The following SOX13 variants were observed in gnomAD, a reference collection of about 807,000 sequenced individuals.
The protein encoded by SOX13 is transcription factor SOX-13.
A neutral mutation model predicts 71.8 loss-of-function variants in SOX13; 28 were observed. The observed-to-expected ratio is 0.39, with a 90% CI of 0.29 to 0.53. The LOEUF (loss-of-function observed/expected upper bound fraction) is 0.53. SOX13 is among the 20% of genes least tolerant of loss of function. SOX13 has a pLI of 0.70. For missense variants in SOX13, 627 were observed against 810.3 expected (o/e 0.77, Z 2.75); for synonymous variants, 309 against 317.8 (o/e 0.97, Z 0.29).
At chr1:204,077,102 C>T (rs1254375301) in intron 1 of SOX13, among the ~76,000 whole-genome samples, 1 of 152,156 alleles carries the variant, frequency 6.6e-6, no homozygotes, top group Non-Finnish European at 1.5e-5. Flanking sequence ...ATAGCTCAGC[C>T]CAGGCCTTGA....
chr1:204,124,540 T>A lies in SOX13; in HGVS notation c.1376-101T>A, dbSNP rs546044493. 3.4e-5 allele frequency: 32 copies of A among 948,896 alleles called. 1 individual carries two copies. In the South Asian group the frequency reaches 3.5e-4, roughly 10 times the overall value. The allele number at this position is 948,896 out of a possible 1,614,324, so 58.8% of individuals were successfully genotyped here. On this transcript the variant is annotated intron_variant, in intron 12 of 13. Coordinates refer to ENST00000367204, the MANE Select transcript of SOX13 (RefSeq NM_005686.3). ...AAGTGCTTGCACATATATTATCTTATGGACCCACCTGGGGATCAAGGTCTT... is the reference window on the plus strand; with the variant it reads ...AAGTGCTTGCACATATATTATCTTAAGGACCCACCTGGGGATCAAGGTCTT...
rs952877073 is a variant in SOX13, at chr1:204,122,161, C to T, written c.862-76C>T. The T allele has an allele frequency of 7.6e-6, 10 of 1,307,594 alleles. No individual in the cohort carries two copies. The Admixed American group carries it at 2.4e-4, about 31-fold the overall frequency. 81.0% of individuals were successfully genotyped at this position (1,307,594 alleles called of 1,614,324 possible). ...TCCTTGTGTGTTCTGGGTATGCTCA[C>T]CTCACTTCCTCTCTGTCCTGCTGTG... On this transcript the variant is annotated intron_variant, in intron 8 of 13. Coordinates refer to ENST00000367204, the MANE Select transcript of SOX13 (RefSeq NM_005686.3).
intron 1 of SOX13, among the ~76,000 whole-genome samples, chr1:204,108,300 G>T (rs570174164): frequency 1.6e-4 from 24 of 152,216 alleles, no homozygotes; most frequent in African/African-American, 5.3e-4. Flanking sequence ...TCAAAACCTG[G>T]GGTGGGTTTG....
chr1:204,104,602 C>T (rs570500025), intron 1 of SOX13, among the ~76,000 whole-genome samples: 13 of 152,360 alleles, frequency 8.5e-5, no homozygotes, highest in Non-Finnish European at 5.9e-5. Context: ...CTGCCCCACC[C>T]CTGCTGCATG....
chr1:204,084,291 C>T (rs1243485528), intron 1 of SOX13, among the ~76,000 whole-genome samples: 1 of 152,116 alleles, frequency 6.6e-6, no homozygotes, highest in Non-Finnish European at 1.5e-5. Context: ...GCCCAAGCTG[C>T]CAGGGGATTG....
intron 1 of SOX13, among the ~76,000 whole-genome samples, chr1:204,086,534 T>A (rs1447850409): frequency 6.6e-6 from 1 of 152,008 alleles, no homozygotes; most frequent in Non-Finnish European, 1.5e-5. Context: ...ATCTCTTGAC[T>A]TCGTGATCTG....
intron 1 of SOX13, among the ~76,000 whole-genome samples, chr1:204,091,916 C>T (rs2102232759): frequency 6.6e-6 from 1 of 152,244 alleles, no homozygotes; most frequent in East Asian, 1.9e-4. Flanking sequence ...TTCTTTGTTT[C>T]TTTGCTTTCT....
rs565086142 is a variant in SOX13 at position 204,092,708 on chromosome 1, G to A, written c.-2+18997G>A. ...GGGGTGGGGACAGTCCAGCATTCCTGGGCCTACTTGGATTTAGGGGGCTGC... is the reference window on the plus strand; with the variant it reads ...GGGGTGGGGACAGTCCAGCATTCCTAGGCCTACTTGGATTTAGGGGGCTGC... On this transcript the variant is annotated intron_variant, in intron 1 of 13. Coordinates refer to ENST00000367204, the MANE Select transcript of SOX13 (RefSeq NM_005686.3). 5.9e-5 allele frequency among the ~76,000 whole-genome samples: 9 copies of A among 152,194 alleles called. 1 individual carries two copies. In the East Asian group the frequency reaches 1.7e-3, roughly 29 times the overall value.
chr1:204,127,040 C>A lies in SOX13; in HGVS notation c.*906C>A. ...CTTCCTGACCTCCTCCTGCCCTCCCCTTCACTCCCTCCCTGGCTCTGCCAG... is the reference window on the plus strand; with the variant it reads ...CTTCCTGACCTCCTCCTGCCCTCCCATTCACTCCCTCCCTGGCTCTGCCAG... On this transcript the variant is annotated 3_prime_UTR_variant, in exon 14 of 14. Transcript: ENST00000367204. 6.5e-6 allele frequency: 1 copy of A among 153,852 alleles called. No individual in the cohort carries two copies. The highest frequency in any genetic ancestry group is 1.5e-5 in the Non-Finnish European group (1 of 68,826). 9.5% of individuals were successfully genotyped at this position (153,852 alleles called of 1,614,324 possible). A position where few individuals can be genotyped will look rare whatever the true frequency, so the allele number is the denominator to read the frequency against.
intron 1 of SOX13, among the ~76,000 whole-genome samples, chr1:204,095,214 G>A (rs1656227205): frequency 6.6e-6 from 1 of 152,202 alleles, no homozygotes; most frequent in African/African-American, 2.4e-5. Context: ...CCAACTCTAA[G>A]ATGGACATCC....
rs111983840 is a variant in SOX13 at position 204,106,653 on chromosome 1, G to C, written c.-1-6262G>C. Reference sequence around the variant, plus strand: ...TCCTGCCTCAGCCTCCCAAGTAGCTGGGATTACACACCTGACTAATTTTGT... The same window carrying C: ...TCCTGCCTCAGCCTCCCAAGTAGCTCGGATTACACACCTGACTAATTTTGT... On this transcript the variant is annotated intron_variant, in intron 1 of 13. Transcript: ENST00000367204. Among the ~76,000 whole-genome samples, 1,334 of 151,892 alleles carry C rather than the reference G, an allele frequency of 8.8e-3. 26 individuals are homozygous for C. Among genetic ancestry groups the C allele is most frequent in the African/African-American group, 0.031 (1,272 of 41,370 alleles).
chr1:204,079,919 A>G (rs1044436419), intron 1 of SOX13, among the ~76,000 whole-genome samples: 1 of 152,160 alleles, frequency 6.6e-6, no homozygotes, highest in Non-Finnish European at 1.5e-5. Context: ...GGCAAACCAA[A>G]GCTGCAGGAT....
intron 1 of SOX13, among the ~76,000 whole-genome samples, chr1:204,083,467 T>C (rs1404405252): frequency 6.6e-6 from 1 of 152,198 alleles, no homozygotes; most frequent in African/African-American, 2.4e-5. Context: ...CCTCTCTCTA[T>C]CTCCCATCAT....
chr1:204,098,264 G>A (rs537817562), intron 1 of SOX13, among the ~76,000 whole-genome samples: 63 of 152,162 alleles, frequency 4.1e-4, no homozygotes, highest in Non-Finnish European at 6.6e-4. Context: ...GATCACCTGA[G>A]GTCAGGAGTT....
Position 204,073,668 on chromosome 1 carries a change from G to GGAGCCGC in SOX13, c.-39_-33dup, listed in dbSNP as rs1341064939. On this transcript the variant is annotated 5_prime_UTR_variant, in exon 1 of 14. Coordinates refer to ENST00000367204, the MANE Select transcript of SOX13 (RefSeq NM_005686.3). This position sits in a 1 kb window ranked among gnomAD's most constrained non-coding sequence, Gnocchi z 6.8. ...CCGCACGGAGGAGGAGCAGGAGCGCGGAGCCGCGAGCCCCGAGCCCCGAGC... is the reference window on the plus strand; with the variant it reads ...CCGCACGGAGGAGGAGCAGGAGCGCGGAGCCGCGAGCCGCGAGCCCCGAGCCCCGAGC... The GGAGCCGC allele has an allele frequency of 6.6e-6, 1 of 152,022 alleles. No homozygotes were observed. The highest frequency in any genetic ancestry group is 2.4e-5 in the African/African-American group (1 of 41,378). 9.4% of individuals were successfully genotyped at this position (152,022 alleles called of 1,614,324 possible). A position where few individuals can be genotyped will look rare whatever the true frequency, so the allele number is the denominator to read the frequency against.
chr1:204,117,149 C>T lies in SOX13; in HGVS notation c.619C>T (p.Gln207Ter). The change falls in exon 6 of 14, where the codon CAG becomes TAG. Residue 207 changes from glutamine (Q) to a stop codon, truncating the protein, a stop_gained. Coordinates refer to ENST00000367204, the MANE Select transcript of SOX13 (RefSeq NM_005686.3). LOFTEE classifies it high-confidence loss of function. Reference protein sequence around the residue: ...QIAKQQQQLIQQQHKINLLQQ... With the variant: ...QIAKQQQQLI ...TGCAAAGCAGCAGCAGCAGCTGATT[C>T]AGCAGCAGCATAAGATCAACCTCCT... 6.2e-7 allele frequency: 1 copy of T among 1,613,970 alleles called. No homozygotes were observed.
Position 204,123,336 on chromosome 1 carries a change from C to G in SOX13, c.1231+128C>G. ...TTGGGTCCTTTCCAGGTGTGTGTGC[C>G]TCTGCTGTCCCATTATGTGTCTGTC... On this transcript the variant is annotated intron_variant, in intron 11 of 13. Transcript: ENST00000367204. The surrounding 1 kb of genome is among the most constrained non-coding windows in gnomAD (Gnocchi z 5.0). The G allele has an allele frequency of 1.3e-6, 1 of 765,004 alleles. No homozygotes were observed. The highest frequency in any genetic ancestry group is 2.3e-6 in the Non-Finnish European group (1 of 438,986). 47.4% of individuals were successfully genotyped at this position (765,004 alleles called of 1,614,324 possible).
intron 1 of SOX13, among the ~76,000 whole-genome samples, chr1:204,095,857 A>G (rs1012013512): frequency 2.0e-5 from 3 of 152,168 alleles, no homozygotes; most frequent in Admixed American, 6.5e-5. Context: ...CTGTAACTCT[A>G]TTCTACTTTC....
rs192868247 is a variant in SOX13, at chr1:204,084,947, C to T, written c.-2+11236C>T. 1.7e-4 allele frequency among the ~76,000 whole-genome samples: 26 copies of T among 152,308 alleles called. No individual in the cohort carries two copies. In the East Asian group the frequency reaches 4.8e-3, roughly 28 times the overall value. On this transcript the variant is annotated intron_variant, in intron 1 of 13. Coordinates refer to ENST00000367204, the MANE Select transcript of SOX13 (RefSeq NM_005686.3). ...TGGAAAGACAGCAAGATCTCTCCCA[C>T]TGGGACACCCAAACATGAAATGGAT...
Sources: gnomAD v4.1 joint callset for allele counts (sites outside exome capture counted in the v4.1 genomes callset) on GRCh38, gnomAD v4.1.1 for gene constraint, Gnocchi (gnomAD v3.1) non-coding constraint, MANE v1.5 for transcripts, NCBI Gene and HGNC (gene_info 2026-07-23, HGNC 2026-07-21) for gene names.